The following FBXL4 variants were observed in gnomAD, a reference collection of about 807,000 sequenced individuals.
The protein encoded by FBXL4 is F-box/LRR-repeat protein 4.
FBXL4 carries 40 observed loss-of-function variants against 58.9 expected under a neutral mutation model. The ratio of observed to expected loss-of-function variants is 0.68; its 90% confidence interval spans 0.53 to 0.88. FBXL4 has a LOEUF of 0.88. FBXL4 is among the 40% of genes least tolerant of loss of function. The probability of loss-of-function intolerance (pLI) is 0.00; values close to 1 mark genes in which losing one functional copy is unlikely to be tolerated. For synonymous variants in FBXL4, 263 were observed against 265.5 expected (o/e 0.99, Z 0.09); for missense variants, 676 against 734.4 (o/e 0.92, Z 0.92).
At chr6:98,891,469 A>C (rs1771222988) in intron 7 of FBXL4, among the ~76,000 whole-genome samples, 1 of 152,184 alleles carries the variant, frequency 6.6e-6, no homozygotes. Flanking sequence ...TCTCATTTTG[A>C]AGCCTATTTT....
Position 98,869,260 on chromosome 6 carries a change from GA to G in FBXL4, c.*5017del, listed in dbSNP as rs78576288. Reference sequence around the variant, plus strand: ...GCACTGATGTGTCAAAAATGACTTTGAAAATGTAAATTCCTGTGTCTGTAAT... The same window carrying G: ...GCACTGATGTGTCAAAAATGACTTTGAAATGTAAATTCCTGTGTCTGTAAT... On this transcript the variant is annotated 3_prime_UTR_variant, in exon 10 of 10. Coordinates refer to ENST00000369244, the MANE Select transcript of FBXL4 (RefSeq NM_001278716.2). 1 of 152,186 alleles carries G rather than the reference GA, an allele frequency of 6.6e-6. No homozygotes were observed. 9.4% of individuals were successfully genotyped at this position (152,186 alleles called of 1,614,324 possible). A position where few individuals can be genotyped will look rare whatever the true frequency, so the allele number is the denominator to read the frequency against.
intron 2 of FBXL4, among the ~76,000 whole-genome samples, chr6:98,933,191 T>G (rs921556448): frequency 1.3e-5 from 2 of 152,200 alleles, no homozygotes; most frequent in Non-Finnish European, 2.9e-5. Context: ...CAGCTCTCTT[T>G]CCTGGCTGGC....
chr6:98,894,983 T>C (rs1046964532), intron 7 of FBXL4, among the ~76,000 whole-genome samples: 1 of 152,158 alleles, frequency 6.6e-6, no homozygotes, highest in African/African-American at 2.4e-5. Flanking sequence ...CCTGCCACAG[T>C]TCTATTCTCC....
chr6:98,927,033 A>G lies in FBXL4; in HGVS notation c.-45T>C. The G allele has an allele frequency of 6.4e-7, 1 of 1,573,566 alleles. No homozygotes were observed. The highest frequency in any genetic ancestry group is 1.2e-5 in the South Asian group (1 of 86,454). On this transcript the variant is annotated 5_prime_UTR_variant, in exon 4 of 10. Coordinates refer to ENST00000369244, the MANE Select transcript of FBXL4 (RefSeq NM_001278716.2). ...CTTCAAAAGGTCAGGTGTCCTCAGT[A>G]AGATGCATGAACTCTTTGAAGGATG...
At chr6:98,924,284 C>T (rs1202429283) in intron 4 of FBXL4, among the ~76,000 whole-genome samples, 1 of 152,186 alleles carries the variant, frequency 6.6e-6, no homozygotes, top group Non-Finnish European at 1.5e-5. Context: ...CTGCCATGCA[C>T]AGTGGCTCCC....
chr6:98,931,670 AAG>A (rs1361309006), intron 2 of FBXL4, among the ~76,000 whole-genome samples: 4 of 152,236 alleles, frequency 2.6e-5, no homozygotes. Context: ...AGAAATAAAA[AAG>A]AGAAATGTAC....
At chr6:98,936,300 G>A (rs1041991807) in intron 1 of FBXL4, among the ~76,000 whole-genome samples, 1 of 152,124 alleles carries the variant, frequency 6.6e-6, no homozygotes, top group Non-Finnish European at 1.5e-5. Context: ...AAGGATCCCT[G>A]GTCAATCACC....
intron 8 of FBXL4, among the ~76,000 whole-genome samples, chr6:98,877,213 C>T (rs978723089): frequency 6.6e-6 from 1 of 151,866 alleles, no homozygotes; most frequent in Non-Finnish European, 1.5e-5. Flanking sequence ...TGGAATCATG[C>T]GGAAGTCTAT....
At chr6:98,929,870 G>C (rs534170107) in intron 2 of FBXL4, among the ~76,000 whole-genome samples, 2 of 152,250 alleles carry the variant, frequency 1.3e-5, no homozygotes, top group African/African-American at 4.8e-5. Context: ...AGGCAATGGG[G>C]GGAAAGTCAC....
chr6:98,908,450 C>T (rs1007921808), intron 5 of FBXL4, among the ~76,000 whole-genome samples: 6 of 152,080 alleles, frequency 3.9e-5, no homozygotes, highest in Non-Finnish European at 7.4e-5. Context: ...TTTCCTATTG[C>T]AAATAATACT....
intron 1 of FBXL4, among the ~76,000 whole-genome samples, chr6:98,943,788 C>G (rs1046981017): frequency 6.6e-6 from 1 of 151,920 alleles, no homozygotes; most frequent in African/African-American, 2.4e-5. Context: ...GACAGAGAGG[C>G]AAAAGTCATA....
intron 6 of FBXL4, among the ~76,000 whole-genome samples, chr6:98,901,193 G>T (rs1771597346): frequency 6.6e-6 from 1 of 152,144 alleles, no homozygotes. Flanking sequence ...GCAATAGAAA[G>T]TGTCAAGGAT....
rs891256236 is a variant in FBXL4, at chr6:98,925,409, CA to C, written c.512+1067del. On this transcript the variant is annotated intron_variant, in intron 4 of 9. Transcript: ENST00000369244. ...TAACTAAGAATAAATTGTTAAAATG[CA>C]AAAAAAAAATGTTAAACATTACAAA... Among the ~76,000 whole-genome samples, 22 of 146,624 alleles carry C rather than the reference CA, an allele frequency of 1.5e-4. No individual in the cohort carries two copies. The East Asian group carries it at 2.0e-3, about 13-fold the overall frequency.
intron 1 of FBXL4, among the ~76,000 whole-genome samples, chr6:98,941,957 A>G (rs528099203): frequency 9.1e-4 from 138 of 152,232 alleles, no homozygotes; most frequent in African/African-American, 3.3e-3. Context: ...AGAGGTGGTG[A>G]CTGAAATAAA....
rs1312928730 is a variant in FBXL4 at position 98,874,370 on chromosome 6, C to T, written c.1774G>A (p.Val592Met). Residue 592 changes from valine (V) to methionine (M), a missense_variant, in exon 10 of 10, where the codon GTG becomes ATG. Transcript: ENST00000369244. ...ESCKDLSLLD[V>M]SFCSQIDNRA... ...TTATCAATCTGCGAACAGAAGGACA[C>T]ATCAAGTAAAGAAAGATCTTTACAA... 1.9e-6 allele frequency: 3 copies of T among 1,613,182 alleles called. No homozygotes were observed. Among genetic ancestry groups the T allele is most frequent in the African/African-American group, 1.3e-5 (1 of 74,860 alleles).
chr6:98,916,682 T>G (rs1169207957), intron 5 of FBXL4, among the ~76,000 whole-genome samples: 1 of 146,434 alleles, frequency 6.8e-6, no homozygotes, highest in Non-Finnish European at 1.5e-5. Context: ...GTGGGGCGAG[T>G]GGGGAGGGAT....
intron 8 of FBXL4, among the ~76,000 whole-genome samples, chr6:98,876,079 C>T (rs1471051223): frequency 6.6e-6 from 1 of 152,166 alleles, no homozygotes; most frequent in Non-Finnish European, 1.5e-5. Flanking sequence ...ATTGACAGCA[C>T]CTACTTTCCT....
chr6:98,910,325 A>C lies in FBXL4; in HGVS notation c.859-4655T>G, dbSNP rs543587597. Among the ~76,000 whole-genome samples, 8 of 152,274 alleles carry C rather than the reference A, an allele frequency of 5.3e-5. No individual in the cohort carries two copies. The East Asian group carries it at 5.8e-4, about 11-fold the overall frequency. ...GAAACACCCCAGTAGGGACACACTG[A>C]AAACAGGACTTCAGACTAGACAAAC... On this transcript the variant is annotated intron_variant, in intron 5 of 9. Coordinates refer to ENST00000369244, the MANE Select transcript of FBXL4 (RefSeq NM_001278716.2).
At chr6:98,909,156 A>G (rs566717224) in intron 5 of FBXL4, among the ~76,000 whole-genome samples, 1 of 152,368 alleles carries the variant, frequency 6.6e-6, no homozygotes, top group Non-Finnish European at 1.5e-5. Context: ...TGCAAAGTCT[A>G]AAGTATCTGT....
Sources: gnomAD v4.1 joint callset for allele counts (sites outside exome capture counted in the v4.1 genomes callset) on GRCh38, gnomAD v4.1.1 for gene constraint, MANE v1.5 for transcripts, NCBI Gene and HGNC (gene_info 2026-07-23, HGNC 2026-07-21) for gene names.